FHIT: variants seen among roughly 807,000 people sequenced by gnomAD.
The protein encoded by FHIT is fragile histidine triad diadenosine triphosphatase, also known as bis(5'-adenosyl)-triphosphatase.
FHIT carries 19 observed loss-of-function variants against 17.9 expected under a neutral mutation model. The ratio of observed to expected loss-of-function variants is 1.06; its 90% CI spans 0.74 to 1.56. The LOEUF (loss-of-function observed/expected upper bound fraction) is 1.56, where lower values mean the gene tolerates loss of function less well. FHIT is among the 40% of genes most tolerant of loss of function. FHIT has a pLI of 0.00. For synonymous variants in FHIT, 81 were observed against 69.7 expected (o/e 1.16, Z -0.81); for missense variants, 248 against 189.2 (o/e 1.31, Z -1.82).
At chr3:59,904,706 T>C (rs1415155115) in intron 8 of FHIT, among the ~76,000 whole-genome samples, 3 of 152,024 alleles carry the variant, frequency 2.0e-5, no homozygotes, top group Non-Finnish European at 2.9e-5. Flanking sequence ...ACACTGGACA[T>C]TGAAGGGTGA....
Position 59,929,363 on chromosome 3 carries a change from G to GTTTTT in FHIT, c.280-6954_280-6950dup, listed in dbSNP as rs869243844. Among the ~76,000 whole-genome samples, 95 of 67,068 alleles carry GTTTTT rather than the reference G, an allele frequency of 1.4e-3. 3 individuals are homozygous for GTTTTT. Among genetic ancestry groups the GTTTTT allele is most frequent in the African/African-American group, 2.9e-3 (50 of 17,454 alleles). 44.0% of individuals were successfully genotyped at this position (67,068 alleles called of 152,430 possible). A position where few individuals can be genotyped will look rare whatever the true frequency, so the allele number is the denominator to read the frequency against. Reference sequence around the variant, plus strand: ...GAAATCTTCACGTATTGTTTTTTTGGTTTTTTTTTTTTTTTTTTTTTTTTT... The same window carrying GTTTTT: ...GAAATCTTCACGTATTGTTTTTTTGGTTTTTTTTTTTTTTTTTTTTTTTTTTTTTT... On this transcript the variant is annotated intron_variant, in intron 7 of 9. Coordinates refer to ENST00000492590, the MANE Select transcript of FHIT (RefSeq NM_002012.4).
At position 60,485,632 on chromosome 3, in the gene FHIT, A is replaced by T. The variant is rs562397892; in HGVS notation, c.103+51228T>A. Reference sequence around the variant, plus strand: ...ATACATGGACACAGGGAGGGGAACAACACACACCAAGGCCTGTTGGGGGTG... The same window carrying T: ...ATACATGGACACAGGGAGGGGAACATCACACACCAAGGCCTGTTGGGGGTG... On this transcript the variant is annotated intron_variant, in intron 5 of 9. Coordinates refer to ENST00000492590, the MANE Select transcript of FHIT (RefSeq NM_002012.4). Among the ~76,000 whole-genome samples the T allele has an allele frequency of 1.3e-3, 194 of 151,098 alleles. 2 individuals are homozygous for T. The highest frequency in any genetic ancestry group is 4.0e-3 in the African/African-American group (164 of 41,232).
At chr3:60,928,301 CAACA>C (rs1707757569) in intron 3 of FHIT, among the ~76,000 whole-genome samples, 1 of 116,886 alleles carries the variant, frequency 8.6e-6, no homozygotes, top group South Asian at 2.7e-4. Context: ...CAAGAATGAT[CAACA>C]AATACTAAAA....
At chr3:60,551,970 T>C (rs1466416980) in intron 4 of FHIT, among the ~76,000 whole-genome samples, 1 of 152,052 alleles carries the variant, frequency 6.6e-6, no homozygotes, top group Non-Finnish European at 1.5e-5. Context: ...AGAAACCATT[T>C]CCTTTAGCAG....
intron 8 of FHIT, among the ~76,000 whole-genome samples, chr3:59,874,201 A>C (rs1026532006): frequency 3.1e-4 from 47 of 152,334 alleles, no homozygotes; most frequent in African/African-American, 1.1e-3. Context: ...AAATGCCTCA[A>C]AAAGAAGTTC....
In FHIT at chr3:59,752,231, G is replaced by C. The variant is rs907051744; in HGVS notation, c.439C>G (p.Gln147Glu). 5.6e-6 allele frequency: 9 copies of C among 1,611,928 alleles called. No individual in the cohort carries two copies. The African/African-American group carries it at 1.1e-4, about 19-fold the overall frequency. ...AEAAALRVYF[Q>E] ...AAATGCAGTCTTTACCTGTGTCACT[G>C]AAAGTAGACCCGCAGAGCTGCGGCT... Residue 147 changes from glutamine (Q) to glutamate (E), a missense_variant, in exon 9 of 10, where the codon CAG becomes GAG. Gln to Glu is a conservative substitution (Grantham distance 29, BLOSUM62 2). Coordinates refer to ENST00000492590, the MANE Select transcript of FHIT (RefSeq NM_002012.4).
At chr3:59,772,249 T>TATCA (rs961165109) in intron 8 of FHIT, among the ~76,000 whole-genome samples, 1 of 152,228 alleles carries the variant, frequency 6.6e-6, no homozygotes, top group African/African-American at 2.4e-5. Context: ...ACTTGAGCTC[T>TATCA]ATCACTCCCT....
rs185050677 is a variant in FHIT at position 60,858,597 on chromosome 3, A to G, written c.-110-36586T>C. Among the ~76,000 whole-genome samples, 563 of 152,278 alleles carry G rather than the reference A, an allele frequency of 3.7e-3. 5 individuals are homozygous for G. Among genetic ancestry groups the G allele is most frequent in the Non-Finnish European group, 5.9e-3 (403 of 68,022 alleles). On this transcript the variant is annotated intron_variant, in intron 3 of 9. Coordinates refer to ENST00000492590, the MANE Select transcript of FHIT (RefSeq NM_002012.4). ...CTTTCTTCTACCTTGCTCCATGACA[A>G]TCAAACCCAAAATGCCTTCCACCCT...
intron 5 of FHIT, among the ~76,000 whole-genome samples, chr3:60,170,722 A>T (rs1484444906): frequency 1.3e-5 from 2 of 152,202 alleles, no homozygotes; most frequent in African/African-American, 4.8e-5. Context: ...GGGGAAAAAA[A>T]TAACATTCTC....
chr3:59,929,361 T>C (rs1039208362), intron 7 of FHIT, among the ~76,000 whole-genome samples: 35 of 131,506 alleles, frequency 2.7e-4, no homozygotes, highest in Non-Finnish European at 5.0e-4. Context: ...ATTGTTTTTT[T>C]GGTTTTTTTT....
intron 4 of FHIT, among the ~76,000 whole-genome samples, chr3:60,781,635 A>G (rs1700392786): frequency 1.3e-5 from 2 of 152,136 alleles, no homozygotes; most frequent in Non-Finnish European, 2.9e-5. Flanking sequence ...TACATATCCT[A>G]TTGCTAGCTC....
chr3:59,827,028 A>G (rs187715710), intron 8 of FHIT, among the ~76,000 whole-genome samples: 23 of 152,316 alleles, frequency 1.5e-4, no homozygotes, highest in African/African-American at 5.5e-4. Context: ...TCAGCTGTCA[A>G]TGATGCCTTC....
intron 5 of FHIT, among the ~76,000 whole-genome samples, chr3:60,027,148 C>CACACACACAGACAAAAA (rs1553654525): frequency 2.4e-5 from 3 of 125,748 alleles, no homozygotes; most frequent in African/African-American, 8.1e-5. Context: ...CACACACACA[C>CACACACACAGACAAAAA]AAAATTAGTA....
intron 4 of FHIT, among the ~76,000 whole-genome samples, chr3:60,715,660 T>C (rs1190925582): frequency 2.0e-5 from 3 of 148,798 alleles, no homozygotes; most frequent in Admixed American, 6.7e-5. Context: ...TTAGGAGATA[T>C]ACCTAATGCT....
At chr3:60,925,382 C>A (rs1273716381) in intron 3 of FHIT, among the ~76,000 whole-genome samples, 3 of 152,098 alleles carry the variant, frequency 2.0e-5, no homozygotes, top group African/African-American at 7.2e-5. Context: ...CCCTAGAAGC[C>A]AGAAGAGAGT....
chr3:60,958,130 G>A (rs1294938292), intron 3 of FHIT, among the ~76,000 whole-genome samples: 5 of 152,004 alleles, frequency 3.3e-5, no homozygotes, highest in Non-Finnish European at 7.3e-5. Flanking sequence ...ATTGTTGTGG[G>A]GCTTTCAAGA....
In FHIT at chr3:59,811,942, T is replaced by C. The variant is rs1700420888; in HGVS notation, c.349-59621A>G. The stretch of plus-strand genomic sequence containing the variant: ...ACAGGCCCAGCTGAATAGGAAGCCT[T>C]GTGCCCCCTTGGCAGCTCATCCTAC... On this transcript the variant is annotated intron_variant, in intron 8 of 9. Transcript: ENST00000492590. Among the ~76,000 whole-genome samples, 7 of 152,348 alleles carry C rather than the reference T, an allele frequency of 4.6e-5. No homozygotes were observed. In the South Asian group the frequency reaches 1.5e-3, roughly 32 times the overall value.
chr3:60,743,245 A>G (rs1559687090), intron 4 of FHIT, among the ~76,000 whole-genome samples: 1 of 152,234 alleles, frequency 6.6e-6, no homozygotes. Context: ...TGCAGATCAA[A>G]TTATATATAA....
chr3:59,960,087 G>A (rs939519451), intron 7 of FHIT, among the ~76,000 whole-genome samples: 1 of 152,148 alleles, frequency 6.6e-6, no homozygotes, highest in Non-Finnish European at 1.5e-5. Flanking sequence ...TGCATAGGGT[G>A]GCAGTGGAAA....
Sources: allele counts gnomAD v4.1 joint callset (sites outside exome capture counted in the v4.1 genomes callset), GRCh38; gene constraint gnomAD v4.1.1; transcripts MANE v1.5; gene names NCBI Gene and HGNC (gene_info 2026-07-23, HGNC 2026-07-21).